Variants in ZDHHC14 observed in about 807,000 individuals in gnomAD.
ZDHHC14 encodes palmitoyltransferase ZDHHC14.
A neutral mutation model predicts 47.7 loss-of-function variants in ZDHHC14; 16 were observed. The observed-to-expected ratio is 0.34, with a 90% CI of 0.23 to 0.51. The LOEUF (loss-of-function observed/expected upper bound fraction) is 0.51. Ranked by LOEUF, ZDHHC14 falls within the 20% of genes least tolerant of loss-of-function variation. The pLI is 0.97. For missense variants in ZDHHC14, 515 were observed against 662.5 expected, an observed-to-expected ratio of 0.78 and a Z score of 2.44; for synonymous variants, 293 against 278.9, an observed-to-expected ratio of 1.05 and a Z score of -0.50.
Position 157,674,603 on chromosome 6 carries a change from C to T in ZDHHC14, c.*1481C>T, listed in dbSNP as rs1778939936. 1 of 152,128 alleles carries T rather than the reference C, an allele frequency of 6.6e-6. No individual in the cohort carries two copies. Among genetic ancestry groups the T allele is most frequent in the Non-Finnish European group, 1.5e-5 (1 of 68,032 alleles). The allele number at this position is 152,128 out of a possible 1,614,324, so 9.4% of individuals were successfully genotyped here. On this transcript the variant is annotated 3_prime_UTR_variant, in exon 9 of 9. Coordinates refer to ENST00000359775, the MANE Select transcript of ZDHHC14 (RefSeq NM_024630.3). ...AAAGCCATGGCCTTGCTCCTTATAA[C>T]CATATGAAAGACAAGACACATTGAC...
chr6:157,396,364 A>G (rs1323791174), intron 1 of ZDHHC14, among the ~76,000 whole-genome samples: 2 of 152,146 alleles, frequency 1.3e-5, no homozygotes, highest in Non-Finnish European at 2.9e-5. Flanking sequence ...ATCATCTTGA[A>G]TGCTCCTATT....
intron 1 of ZDHHC14, among the ~76,000 whole-genome samples, chr6:157,540,916 A>G (rs559227520): frequency 0.031 from 2,478 of 79,818 alleles, 40 homozygotes; most frequent in African/African-American, 0.037. Context: ...GTGTGTATAT[A>G]TATATATATA....
intron 2 of ZDHHC14, among the ~76,000 whole-genome samples, chr6:157,579,548 G>T (rs978777905): frequency 6.6e-6 from 1 of 152,086 alleles, no homozygotes; most frequent in Non-Finnish European, 1.5e-5. Flanking sequence ...ATTTGTATGT[G>T]TCATCACTGA....
intron 2 of ZDHHC14, among the ~76,000 whole-genome samples, chr6:157,578,997 G>T (rs553112286): frequency 6.6e-6 from 1 of 152,230 alleles, no homozygotes; most frequent in African/African-American, 2.4e-5. Context: ...TTGAAGTCAG[G>T]TAATGTGATG....
At chr6:157,412,768 C>G (rs1050826760) in intron 1 of ZDHHC14, among the ~76,000 whole-genome samples, 1 of 152,186 alleles carries the variant, frequency 6.6e-6, no homozygotes, top group Admixed American at 6.5e-5. Flanking sequence ...GGTGCACGCC[C>G]ACGTCAGAAT....
chr6:157,604,917 G>C (rs765037519), intron 3 of ZDHHC14, among the ~76,000 whole-genome samples: 6 of 152,220 alleles, frequency 3.9e-5, no homozygotes, highest in Non-Finnish European at 7.3e-5. Context: ...TTGGCTTCCA[G>C]CAATGGATAT....
chr6:157,389,426 G>A (rs1777378942), intron 1 of ZDHHC14, among the ~76,000 whole-genome samples: 1 of 152,130 alleles, frequency 6.6e-6, no homozygotes, highest in Admixed American at 6.6e-5. Context: ...ATACAGTAAT[G>A]GCATCAGTTT....
intron 1 of ZDHHC14, among the ~76,000 whole-genome samples, chr6:157,443,007 A>T (rs1417098793): frequency 6.6e-6 from 1 of 152,170 alleles, no homozygotes; most frequent in East Asian, 1.9e-4. Flanking sequence ...ATATGGTTAG[A>T]CTCTGTGTCC....
intron 5 of ZDHHC14, among the ~76,000 whole-genome samples, chr6:157,644,580 G>A (rs552660082): frequency 2.9e-4 from 44 of 152,302 alleles, no homozygotes; most frequent in Admixed American, 2.6e-3. Flanking sequence ...TGGTGGCATC[G>A]GTTAACCATG....
intron 2 of ZDHHC14, among the ~76,000 whole-genome samples, chr6:157,549,645 C>G (rs1404873003): frequency 6.6e-6 from 1 of 152,116 alleles, no homozygotes. Flanking sequence ...TCCGATGTCC[C>G]TTTAACAAGA....
chr6:157,499,029 G>A (rs907450349), intron 1 of ZDHHC14, among the ~76,000 whole-genome samples: 1 of 151,846 alleles, frequency 6.6e-6, no homozygotes, highest in Non-Finnish European at 1.5e-5. Context: ...GTTAGATGAT[G>A]TATTCAGTTC....
chr6:157,622,216 CAAAAAAAAAAA>C (rs35681787), intron 3 of ZDHHC14, among the ~76,000 whole-genome samples: 3 of 93,894 alleles, frequency 3.2e-5, no homozygotes, highest in South Asian at 6.9e-4. Flanking sequence ...ACTAAAAATA[CAAAAAAAAAAA>C]AAAAAAAAAA....
chr6:157,424,509 A>G (rs1334542911), intron 1 of ZDHHC14, among the ~76,000 whole-genome samples: 1 of 152,192 alleles, frequency 6.6e-6, no homozygotes, highest in East Asian at 1.9e-4. Context: ...TCTGAGCTTG[A>G]AGCCGTCCTG....
At chr6:157,531,499 C>A (rs1781366200) in intron 1 of ZDHHC14, among the ~76,000 whole-genome samples, 1 of 152,144 alleles carries the variant, frequency 6.6e-6, no homozygotes, top group Admixed American at 6.5e-5. Context: ...CCAACACCCC[C>A]CGCTCCGGCC....
At chr6:157,537,920 A>G (rs573511178) in intron 1 of ZDHHC14, among the ~76,000 whole-genome samples, 1 of 152,322 alleles carries the variant, frequency 6.6e-6, no homozygotes, top group South Asian at 2.1e-4. Context: ...CTCCTTCAGG[A>G]GGTTAACATT....
Position 157,398,484 on chromosome 6 carries a change from A to T in ZDHHC14, c.245+16218A>T, listed in dbSNP as rs139906284. On this transcript the variant is annotated intron_variant, in intron 1 of 8. Transcript: ENST00000359775. Reference sequence around the variant, plus strand: ...ATTTGCGGGGAGGAAAGGGAAGCAGAGGCTGGAGGCCAGGCTGAATCTGAC... The same window carrying T: ...ATTTGCGGGGAGGAAAGGGAAGCAGTGGCTGGAGGCCAGGCTGAATCTGAC... 1.0e-3 allele frequency among the ~76,000 whole-genome samples: 155 copies of T among 152,340 alleles called. 1 individual carries two copies. The East Asian group carries it at 0.025, about 25-fold the overall frequency.
At chr6:157,606,218 A>C (rs1484622371) in intron 3 of ZDHHC14, among the ~76,000 whole-genome samples, 1 of 152,108 alleles carries the variant, frequency 6.6e-6, no homozygotes, top group African/African-American at 2.4e-5. Flanking sequence ...TAATCCAAGC[A>C]CTTTGGGAGG....
rs151065517 is a variant in ZDHHC14, at chr6:157,389,817, A to C, written c.245+7551A>C. Among the ~76,000 whole-genome samples, 1,160 of 152,274 alleles carry C rather than the reference A, an allele frequency of 7.6e-3. 11 individuals are homozygous for C. Among genetic ancestry groups the C allele is most frequent in the African/African-American group, 0.026 (1,098 of 41,588 alleles). On this transcript the variant is annotated intron_variant, in intron 1 of 8. Coordinates refer to ENST00000359775, the MANE Select transcript of ZDHHC14 (RefSeq NM_024630.3). ...CATATATTTTACATCCATATATGCT[A>C]TAAAGCCAGTAATGTTATTATTTTT...
At chr6:157,523,567 C>G (rs886942215) in intron 1 of ZDHHC14, among the ~76,000 whole-genome samples, 1 of 151,900 alleles carries the variant, frequency 6.6e-6, no homozygotes, top group Admixed American at 6.6e-5. Context: ...TTGGCATAGC[C>G]TGATTGGGGA....
Sources: allele counts gnomAD v4.1 joint callset (sites outside exome capture counted in the v4.1 genomes callset), GRCh38; gene constraint gnomAD v4.1.1; transcripts MANE v1.5; gene names NCBI Gene and HGNC (gene_info 2026-07-23, HGNC 2026-07-21).